Variants in PCNT observed in about 807,000 individuals in gnomAD.
PCNT encodes pericentrin.
PCNT carries 319 observed loss-of-function variants against 380.4 expected under a neutral mutation model. The ratio of observed to expected loss-of-function variants is 0.84; its 90% confidence interval spans 0.77 to 0.92. The LOEUF (loss-of-function observed/expected upper bound fraction) is 0.92. PCNT is among the 40% of genes least tolerant of loss of function. The pLI is 0.00. For synonymous variants in PCNT, 1,845 were observed against 1,735.2 expected (o/e 1.06, Z -1.57); for missense variants, 4,400 against 4,255.3 (o/e 1.03, Z -0.95).
At chr21:46,409,897 G>A (rs1165563252) in intron 27 of PCNT, among the ~76,000 whole-genome samples, 3 of 152,178 alleles carry the variant, frequency 2.0e-5, no homozygotes, top group African/African-American at 7.2e-5. Context: ...CCCGGCCTCA[G>A]TTCACTGATT....
Position 46,348,620 on chromosome 21 carries a change from C to CT in PCNT, c.1033-384dup, listed in dbSNP as rs533856499. On this transcript the variant is annotated intron_variant, in intron 6 of 46. Transcript: ENST00000359568. ...TAGTTGGGGGCCATGACTGCCCATT[C>CT]TTTTTTTTCTTTGAGACAGGGTCTC... Among the ~76,000 whole-genome samples, 5 of 152,056 alleles carry CT rather than the reference C, an allele frequency of 3.3e-5. No individual in the cohort carries two copies. In the East Asian group the frequency reaches 9.7e-4, roughly 29 times the overall value.
Position 46,388,055 on chromosome 21 carries a change from A to G in PCNT, c.3465-687A>G, listed in dbSNP as rs1257292390. Reference sequence around the variant, plus strand: ...GAAACCCCATCTCTACTAAAAATACAAAAAATTAGCCGGGCGTGGTGACAG... The same window carrying G: ...GAAACCCCATCTCTACTAAAAATACGAAAAATTAGCCGGGCGTGGTGACAG... On this transcript the variant is annotated intron_variant, in intron 17 of 46. Coordinates refer to ENST00000359568, the MANE Select transcript of PCNT (RefSeq NM_006031.6). The surrounding 1 kb of genome is among the most constrained non-coding windows in gnomAD (Gnocchi z 4.2). Among the ~76,000 whole-genome samples, 43 of 151,988 alleles carry G rather than the reference A, an allele frequency of 2.8e-4. 1 individual carries two copies. Among genetic ancestry groups the G allele is most frequent in the Admixed American group, 2.8e-3 (43 of 15,260 alleles).
chr21:46,337,771 G>A (rs2083796811), intron 3 of PCNT, among the ~76,000 whole-genome samples: 1 of 151,380 alleles, frequency 6.6e-6, no homozygotes. Context: ...TAGTAGAGAT[G>A]GGGTTTCACC....
At chr21:46,378,014 T>C (rs2085386950) in intron 15 of PCNT, among the ~76,000 whole-genome samples, 1 of 152,184 alleles carries the variant, frequency 6.6e-6, no homozygotes, top group Non-Finnish European at 1.5e-5. Context: ...GTTTCCCAGG[T>C]TGGCGCACGT....
chr21:46,364,165 G>A (rs1283727099), intron 14 of PCNT, among the ~76,000 whole-genome samples: 1 of 151,550 alleles, frequency 6.6e-6, no homozygotes, highest in African/African-American at 2.4e-5. Context: ...TGGCCGCAGT[G>A]GGACAGCTTT....
intron 9 of PCNT, 120 bp from the exon 10 acceptor site, chr21:46,352,984 T>C (rs914174341): frequency 1.1e-5 from 9 of 788,586 alleles, no homozygotes; most frequent in Non-Finnish European, 8.8e-6. Flanking sequence ...CCTCTCCGGT[T>C]CTGGGATGGG....
chr21:46,386,544 G>A (rs569196468), intron 17 of PCNT, among the ~76,000 whole-genome samples: 26 of 152,346 alleles, frequency 1.7e-4, no homozygotes, highest in Admixed American at 7.2e-4. Context: ...CTCCCAGGGC[G>A]GGGTGTGGGT....
chr21:46,408,692 G>A (rs1429860335), intron 27 of PCNT, among the ~76,000 whole-genome samples: 1 of 151,372 alleles, frequency 6.6e-6, no homozygotes, highest in Admixed American at 6.6e-5. Context: ...TATTGTGGGG[G>A]AAATGTTTGC....
intron 21 of PCNT, among the ~76,000 whole-genome samples, chr21:46,392,247 GT>G (rs1251338907): frequency 1.3e-5 from 2 of 151,966 alleles, no homozygotes; most frequent in African/African-American, 4.8e-5. Context: ...TTGAGATGGA[GT>G]CTCGCTGTGT....
chr21:46,330,557 T>C (rs1253942943), intron 2 of PCNT, among the ~76,000 whole-genome samples: 6 of 152,260 alleles, frequency 3.9e-5, no homozygotes, highest in African/African-American at 1.4e-4. Flanking sequence ...AAACCATTGG[T>C]GCTTTAGAAG....
At chr21:46,339,167 C>T (rs1301923490) in intron 3 of PCNT, among the ~76,000 whole-genome samples, 1 of 152,168 alleles carries the variant, frequency 6.6e-6, no homozygotes, top group Non-Finnish European at 1.5e-5. Context: ...CTGCTCACCT[C>T]GGCCTCCCAA....
chr21:46,445,575 C>G lies in PCNT; in HGVS notation c.*248C>G, dbSNP rs1400914779. 3.6e-6 allele frequency: 2 copies of G among 558,060 alleles called. No homozygotes were observed. Among genetic ancestry groups the G allele is most frequent in the African/African-American group, 3.8e-5 (2 of 52,994 alleles). 34.6% of individuals were successfully genotyped at this position (558,060 alleles called of 1,614,324 possible). ...TCGTGAGGTGACGGGCACTCACTCCCATGAGCCCTGGCTGTGTGCTGTTGT... is the reference window on the plus strand; with the variant it reads ...TCGTGAGGTGACGGGCACTCACTCCGATGAGCCCTGGCTGTGTGCTGTTGT... On this transcript the variant is annotated 3_prime_UTR_variant, in exon 47 of 47. Transcript: ENST00000359568.
At chr21:46,347,918 C>T (rs1394987170) in intron 6 of PCNT, among the ~76,000 whole-genome samples, 1 of 152,176 alleles carries the variant, frequency 6.6e-6, no homozygotes, top group Non-Finnish European at 1.5e-5. Flanking sequence ...GTGGGTTGCA[C>T]CTGCTGTGGG....
chr21:46,409,253 T>G (rs2086711528), intron 27 of PCNT, among the ~76,000 whole-genome samples: 1 of 148,934 alleles, frequency 6.7e-6, no homozygotes, highest in Non-Finnish European at 1.5e-5. Flanking sequence ...CAGTAGCGCA[T>G]TTTTGGCTTG....
At chr21:46,333,963 T>C (rs2083641689) in intron 2 of PCNT, among the ~76,000 whole-genome samples, 1 of 152,080 alleles carries the variant, frequency 6.6e-6, no homozygotes, top group African/African-American at 2.4e-5. Flanking sequence ...TCCCAGCACT[T>C]TGGGAGGCCA....
intron 3 of PCNT, among the ~76,000 whole-genome samples, chr21:46,337,007 TTTG>T (rs869057164): frequency 6.6e-6 from 1 of 151,874 alleles, no homozygotes; most frequent in African/African-American, 2.4e-5. Context: ...TGTTTGTTTG[TTTG>T]TTTTTTTGAG....
intron 42 of PCNT, 115 bp from the exon 43 acceptor site, chr21:46,440,740 T>G: frequency 1.3e-6 from 1 of 750,052 alleles, no homozygotes; most frequent in Non-Finnish European, 2.3e-6. Context: ...TCTGTGATGA[T>G]TTGATGGGAA....
intron 27 of PCNT, among the ~76,000 whole-genome samples, chr21:46,403,108 C>T (rs143936850): frequency 2.0e-5 from 3 of 152,220 alleles, no homozygotes; most frequent in Non-Finnish European, 4.4e-5. Flanking sequence ...TGTGTGGTGC[C>T]CACACAACAC....
chr21:46,349,564 G>A (rs936509372), intron 7 of PCNT, 120 bp from the exon 8 acceptor site: 16 of 1,068,506 alleles, frequency 1.5e-5, no homozygotes, highest in Non-Finnish European at 2.0e-5. Flanking sequence ...CGAGGGGCCC[G>A]GGGGCGCCCA....
Sources: allele counts gnomAD v4.1 joint callset (sites outside exome capture counted in the v4.1 genomes callset), GRCh38; gene constraint gnomAD v4.1.1; non-coding constraint Gnocchi (gnomAD v3.1); transcripts MANE v1.5; gene names NCBI Gene and HGNC (gene_info 2026-07-23, HGNC 2026-07-21).